The following INSYN2B variants were observed in gnomAD, a reference collection of about 807,000 sequenced individuals.
INSYN2B encodes inhibitory synaptic factor family member 2B, also known as protein INSYN2B.
In INSYN2B, 16 loss-of-function variants were observed where a neutral mutation model predicts 41.2. The observed-to-expected ratio is 0.39, with a 90% CI of 0.26 to 0.59. The LOEUF (loss-of-function observed/expected upper bound fraction) is 0.59. Among genes scored for constraint, INSYN2B ranks in the 20% least tolerant of loss-of-function variants. The probability of loss-of-function intolerance (pLI) is 0.57; values close to 1 mark genes in which losing one functional copy is unlikely to be tolerated. For synonymous variants in INSYN2B, 245 were observed against 244.4 expected (o/e 1.00, Z -0.02); for missense variants, 608 against 646.4 (o/e 0.94, Z 0.64).
At chr5:169,923,138 C>T (rs975015043) in intron 1 of INSYN2B, among the ~76,000 whole-genome samples, 1 of 152,208 alleles carries the variant, frequency 6.6e-6, no homozygotes, top group Non-Finnish European at 1.5e-5. Context: ...CTATGCTCCT[C>T]ACCTCTGTGC....
chr5:169,906,597 G>T (rs1216417506), intron 1 of INSYN2B, among the ~76,000 whole-genome samples: 2 of 152,198 alleles, frequency 1.3e-5, no homozygotes, highest in African/African-American at 2.4e-5. Flanking sequence ...CTCCCAAAGT[G>T]CTGGGGTTAC....
At chr5:169,941,596 A>C (rs1379592300) in intron 1 of INSYN2B, among the ~76,000 whole-genome samples, 1 of 152,234 alleles carries the variant, frequency 6.6e-6, no homozygotes, top group Non-Finnish European at 1.5e-5. Context: ...ATCTGGCAGA[A>C]CTTTGGCCAT....
At chr5:169,956,277 C>T (rs1776862305) in intron 1 of INSYN2B, among the ~76,000 whole-genome samples, 1 of 152,198 alleles carries the variant, frequency 6.6e-6, no homozygotes, top group Admixed American at 6.5e-5. Flanking sequence ...AGAACATTCT[C>T]AGAGATAGTT....
chr5:169,978,818 C>T (rs375161184), intron 1 of INSYN2B, among the ~76,000 whole-genome samples: 6 of 152,278 alleles, frequency 3.9e-5, no homozygotes, highest in African/African-American at 1.2e-4. Context: ...CAAGTGCCTG[C>T]GATGATTGCA....
chr5:169,949,142 C>T (rs1015769211), intron 1 of INSYN2B, among the ~76,000 whole-genome samples: 5 of 152,164 alleles, frequency 3.3e-5, no homozygotes, highest in African/African-American at 1.2e-4. Context: ...TTTGAATATT[C>T]ATGCAAAAGT....
intron 3 of INSYN2B, among the ~76,000 whole-genome samples, chr5:169,871,361 A>G (rs1353683747): frequency 6.6e-6 from 1 of 152,238 alleles, no homozygotes; most frequent in East Asian, 1.9e-4. Flanking sequence ...ATTAGGATAC[A>G]TGGTAATTTA....
At chr5:169,869,031 G>A (rs896911031) in intron 3 of INSYN2B, among the ~76,000 whole-genome samples, 2 of 152,058 alleles carry the variant, frequency 1.3e-5, no homozygotes, top group Non-Finnish European at 2.9e-5. Flanking sequence ...TAGCTTCCTC[G>A]CTGGGTGGCT....
intron 1 of INSYN2B, among the ~76,000 whole-genome samples, chr5:169,969,138 G>A (rs1027838181): frequency 1.3e-5 from 2 of 151,758 alleles, no homozygotes; most frequent in South Asian, 4.2e-4. Context: ...ATCAAAGTGA[G>A]ACTCTGTTTC....
At chr5:169,955,028 A>G (rs565135348) in intron 1 of INSYN2B, among the ~76,000 whole-genome samples, 1 of 152,372 alleles carries the variant, frequency 6.6e-6, no homozygotes, top group South Asian at 2.1e-4. Context: ...TTGGAAGAGC[A>G]GTCACAGGTC....
At chr5:169,896,121 A>C (rs1281504710) in intron 1 of INSYN2B, among the ~76,000 whole-genome samples, 1 of 151,206 alleles carries the variant, frequency 6.6e-6, no homozygotes. Flanking sequence ...GATTGGAAGG[A>C]GCTCCCAGAG....
At chr5:169,914,637 A>G (rs77841354) in intron 1 of INSYN2B, among the ~76,000 whole-genome samples, 3 of 152,228 alleles carry the variant, frequency 2.0e-5, no homozygotes, top group Non-Finnish European at 4.4e-5. Flanking sequence ...GAGTTTCCAC[A>G]TAGAAAACAA....
intron 1 of INSYN2B, among the ~76,000 whole-genome samples, chr5:169,903,769 C>G (rs1319435893): frequency 2.0e-5 from 3 of 151,684 alleles, no homozygotes; most frequent in African/African-American, 7.3e-5. Flanking sequence ...GAAGTTTGGA[C>G]TTAACCCTAA....
intron 1 of INSYN2B, among the ~76,000 whole-genome samples, chr5:169,977,023 G>A (rs1050155135): frequency 6.6e-6 from 1 of 152,236 alleles, no homozygotes; most frequent in Middle Eastern, 3.2e-3. Context: ...ACCAAAGAAT[G>A]TCACTGCACG....
chr5:169,865,661 G>T (rs1771502385), intron 3 of INSYN2B, among the ~76,000 whole-genome samples: 1 of 152,202 alleles, frequency 6.6e-6, no homozygotes, highest in Non-Finnish European at 1.5e-5. Flanking sequence ...GGTCTCAGAA[G>T]GCCCAAGGAT....
chr5:169,901,212 C>T (rs377558359), intron 1 of INSYN2B, among the ~76,000 whole-genome samples: 15 of 152,016 alleles, frequency 9.9e-5, no homozygotes, highest in South Asian at 2.1e-4. Flanking sequence ...TCCAGGCAAA[C>T]GAACATTGTG....
intron 1 of INSYN2B, among the ~76,000 whole-genome samples, chr5:169,922,214 G>A (rs1483610513): frequency 6.6e-6 from 1 of 152,152 alleles, no homozygotes; most frequent in African/African-American, 2.4e-5. Flanking sequence ...AGTACAGTGT[G>A]CACATTGCCT....
rs1010358826 is a variant in INSYN2B, at chr5:169,862,949, C to T, written c.*1324G>A. ...TTTAATGTATGTTTAGTTTCAGGCT[C>T]CCTTTCTAGCAATGTCAATCTAACC... is the stretch of plus-strand genomic sequence containing the variant. On this transcript the variant is annotated 3_prime_UTR_variant, in exon 4 of 4. Transcript: ENST00000377365. 9.2e-5 allele frequency among the ~76,000 whole-genome samples: 14 copies of T among 152,346 alleles called. No individual in the cohort carries two copies. Among genetic ancestry groups the T allele is most frequent in the African/African-American group, 2.9e-4 (12 of 41,574 alleles).
chr5:169,923,934 C>G (rs1775304874), intron 1 of INSYN2B, among the ~76,000 whole-genome samples: 2 of 152,302 alleles, frequency 1.3e-5, no homozygotes, highest in South Asian at 4.1e-4. Context: ...TTGGAGAATT[C>G]TCTAAATTTG....
intron 1 of INSYN2B, among the ~76,000 whole-genome samples, chr5:169,939,107 C>T (rs1405759505): frequency 6.6e-6 from 1 of 151,796 alleles, no homozygotes; most frequent in African/African-American, 2.4e-5. Flanking sequence ...GGTTTCACCG[C>T]ATTAGCCAGG....
Sources: allele counts gnomAD v4.1 joint callset (sites outside exome capture counted in the v4.1 genomes callset), GRCh38; gene constraint gnomAD v4.1.1; transcripts MANE v1.5; gene names NCBI Gene and HGNC (gene_info 2026-07-23, HGNC 2026-07-21).